Variants in LTBP2 observed in about 807,000 individuals in gnomAD.
The protein encoded by LTBP2 is latent-transforming growth factor beta-binding protein 2.
A neutral mutation model predicts 210.6 loss-of-function variants in LTBP2; 103 were observed. That is an observed-to-expected ratio of 0.49 (90% confidence interval 0.42 to 0.58). The LOEUF (loss-of-function observed/expected upper bound fraction) is 0.58, where lower values mean the gene tolerates loss of function less well. LTBP2 is among the 20% of genes least tolerant of loss of function. The pLI is 0.00. For synonymous variants in LTBP2, 1,007 were observed against 1,015.0 expected, an observed-to-expected ratio of 0.99 and a Z score of 0.15; for missense variants, 2,313 against 2,494.5, an observed-to-expected ratio of 0.93 and a Z score of 1.55.
intron 3 of LTBP2, among the ~76,000 whole-genome samples, chr14:74,558,824 C>T (rs1333515509): frequency 6.6e-6 from 1 of 152,126 alleles, no homozygotes; most frequent in Non-Finnish European, 1.5e-5. Flanking sequence ...ACCATGTATT[C>T]CCTAGTCATA....
intron 15 of LTBP2, among the ~76,000 whole-genome samples, 166 bp downstream of exon 15, chr14:74,524,958 A>G (rs745641169): frequency 4.6e-5 from 7 of 152,204 alleles, no homozygotes; most frequent in Non-Finnish European, 8.8e-5. Context: ...GTTCTTTGTA[A>G]GATGAGGCCA....
chr14:74,558,908 A>C (rs1037241913), intron 3 of LTBP2, among the ~76,000 whole-genome samples: 2 of 152,212 alleles, frequency 1.3e-5, no homozygotes, highest in African/African-American at 4.8e-5. Context: ...TCTTACTAGC[A>C]GCACAGCCTT....
intron 6 of LTBP2, among the ~76,000 whole-genome samples, chr14:74,551,727 C>T (rs567066206): frequency 1.3e-5 from 2 of 152,280 alleles, no homozygotes; most frequent in African/African-American, 2.4e-5. Flanking sequence ...GGCCTAACTG[C>T]AGTCCATCCC....
rs138194436 is a variant in LTBP2, at chr14:74,508,732, G to T, written c.3527-3C>A. On this transcript the variant is annotated splice_polypyrimidine_tract_variant and splice_region_variant and intron_variant, in intron 23 of 35. Transcript: ENST00000261978. ...CTCCCCCATGCACTCATTCACATCT[G>T]CAGGGAAAAGATGGGGAGTGGGTGT... 1,042 of 1,613,686 alleles carry T rather than the reference G, an allele frequency of 6.5e-4. 7 individuals are homozygous for T. In the African/African-American group the frequency reaches 0.011, roughly 18 times the overall value.
chr14:74,564,254 TA>T (rs2087859694), intron 3 of LTBP2, among the ~76,000 whole-genome samples: 1 of 20,438 alleles, frequency 4.9e-5, no homozygotes, highest in African/African-American at 2.0e-4. Flanking sequence ...TATATATATT[TA>T]TATATATTTA....
rs2087066149 is a variant in LTBP2 at position 74,511,171 on chromosome 14, C to T, written c.3028+74G>A. 12 of 1,608,946 alleles carry T rather than the reference C, an allele frequency of 7.5e-6. No homozygotes were observed. The East Asian group carries it at 1.1e-4, about 15-fold the overall frequency. On this transcript the variant is annotated intron_variant, in intron 19 of 35. Coordinates refer to ENST00000261978, the MANE Select transcript of LTBP2 (RefSeq NM_000428.3). ...CACCTCCCTCTGCCCACCTCTTTCC[C>T]TTTCCGTGTGTGGGCTCAACCAGAG...
intron 17 of LTBP2, among the ~76,000 whole-genome samples, chr14:74,518,380 A>G (rs2087161069): frequency 6.6e-6 from 1 of 152,032 alleles, no homozygotes; most frequent in Non-Finnish European, 1.5e-5. Context: ...CCTGCTTCTC[A>G]TCTGTTTCCT....
intron 8 of LTBP2, among the ~76,000 whole-genome samples, chr14:74,537,186 C>T (rs1381931790): frequency 2.1e-5 from 3 of 145,854 alleles, no homozygotes; most frequent in African/African-American, 7.4e-5. Context: ...AAAGAGTTGA[C>T]ATTAAATAAA....
chr14:74,554,862 C>G (rs2087708769), intron 4 of LTBP2, among the ~76,000 whole-genome samples: 1 of 151,766 alleles, frequency 6.6e-6, no homozygotes, highest in African/African-American at 2.4e-5. Flanking sequence ...GAGGTGAGCT[C>G]AGGCACAGAT....
chr14:74,579,976 G>A (rs1006882231), intron 3 of LTBP2, among the ~76,000 whole-genome samples: 3 of 152,256 alleles, frequency 2.0e-5, no homozygotes, highest in African/African-American at 4.8e-5. Flanking sequence ...AATGGGCTGA[G>A]TCATGCTCGA....
intron 3 of LTBP2, among the ~76,000 whole-genome samples, chr14:74,568,171 C>A (rs1469583157): frequency 6.6e-6 from 1 of 152,176 alleles, no homozygotes; most frequent in Non-Finnish European, 1.5e-5. Context: ...GCTGGGTGAG[C>A]AGAACACAGG....
At chr14:74,507,111 T>G in intron 26 of LTBP2, 68 bp downstream of exon 26, 1 of 1,612,398 alleles carries the variant, frequency 6.2e-7, no homozygotes, top group Non-Finnish European at 8.5e-7. Flanking sequence ...GAAAATCATG[T>G]CTCGCTCAAT....
Position 74,555,535 on chromosome 14 carries a change from G to A in LTBP2, c.989C>T (p.Ala330Val), listed in dbSNP as rs780864087. The A allele has an allele frequency of 4.3e-5, 70 of 1,613,326 alleles. No individual in the cohort carries two copies. Among genetic ancestry groups the A allele is most frequent in the Non-Finnish European group, 4.9e-5 (58 of 1,179,632 alleles). Reference protein sequence around the residue: ...GLEQRDGTQQAVPLEHPSSPW... With the variant: ...GLEQRDGTQQVVPLEHPSSPW... ...GGATGAGGGGTGCTCCAGAGGTACC[G>A]CCTGTTGGGTGCCATCTCTCTGCTC... The change falls in exon 4 of 36, where the codon GCG becomes GTG. Residue 330 changes from alanine (A) to valine (V), a missense_variant. Ala to Val is a moderately conservative substitution (Grantham distance 64). Transcript: ENST00000261978.
chr14:74,602,341 A>G lies in LTBP2; in HGVS notation c.565+1294T>C, dbSNP rs184439861. On this transcript the variant is annotated intron_variant, in intron 2 of 35. Coordinates refer to ENST00000261978, the MANE Select transcript of LTBP2 (RefSeq NM_000428.3). ...ATAATGCATGTGAAGAGCTTAGCGCAGTGTGGGGCACTAGTACATACTCAG... is the reference window on the plus strand; with the variant it reads ...ATAATGCATGTGAAGAGCTTAGCGCGGTGTGGGGCACTAGTACATACTCAG... Among the ~76,000 whole-genome samples the G allele has an allele frequency of 4.6e-5, 7 of 152,362 alleles. No individual in the cohort carries two copies. The East Asian group carries it at 9.6e-4, about 21-fold the overall frequency.
intron 2 of LTBP2, among the ~76,000 whole-genome samples, chr14:74,603,311 G>A (rs2088474993): frequency 6.6e-6 from 1 of 152,116 alleles, no homozygotes; most frequent in African/African-American, 2.4e-5. Context: ...GTTTTTAGAA[G>A]AGACAGGGTT....
At chr14:74,540,994 T>A (rs922176827) in intron 8 of LTBP2, among the ~76,000 whole-genome samples, 3 of 145,112 alleles carry the variant, frequency 2.1e-5, no homozygotes, top group African/African-American at 5.1e-5. Context: ...TGGGAGAAAG[T>A]GGAAGTTTAG....
chr14:74,567,151 C>G (rs941289037), intron 3 of LTBP2, among the ~76,000 whole-genome samples: 1 of 152,148 alleles, frequency 6.6e-6, no homozygotes, highest in Admixed American at 6.5e-5. Context: ...GGAGGGGCAC[C>G]CAGCCCTTGC....
At chr14:74,596,254 T>C (rs1016004597) in intron 2 of LTBP2, among the ~76,000 whole-genome samples, 4 of 149,804 alleles carry the variant, frequency 2.7e-5, no homozygotes, top group African/African-American at 9.9e-5. Context: ...AATAAATAAA[T>C]AAATAAATAA....
rs186460463 is a variant in LTBP2, at chr14:74,510,307, G to A, written c.3029-94C>T. On this transcript the variant is annotated intron_variant, in intron 19 of 35. Coordinates refer to ENST00000261978, the MANE Select transcript of LTBP2 (RefSeq NM_000428.3). Reference sequence around the variant, plus strand: ...CAAGCATCTCAGTTATGAGGCCAGGGAACCAGCCTTCAGAGGGGCCGCAGG... The same window carrying A: ...CAAGCATCTCAGTTATGAGGCCAGGAAACCAGCCTTCAGAGGGGCCGCAGG... 4,642 of 1,576,088 alleles carry A rather than the reference G, an allele frequency of 2.9e-3. 11 individuals are homozygous for A. The highest frequency in any genetic ancestry group is 3.6e-3 in the Non-Finnish European group (4,203 of 1,161,872).
Sources: allele counts gnomAD v4.1 joint callset (sites outside exome capture counted in the v4.1 genomes callset), GRCh38; gene constraint gnomAD v4.1.1; transcripts MANE v1.5; gene names NCBI Gene and HGNC (gene_info 2026-07-23, HGNC 2026-07-21).